Variants in PPP1R37 observed in about 807,000 individuals in gnomAD.
PPP1R37 encodes the protein protein phosphatase 1 regulatory subunit 37, also known as leucine rich repeat containing 68.
Under a neutral mutation model 61.0 loss-of-function variants are expected in PPP1R37, and 21 were observed. That is an observed-to-expected ratio of 0.34 (90% CI 0.24 to 0.50). PPP1R37 has a LOEUF of 0.50. Ranked by LOEUF, PPP1R37 falls within the 20% of genes least tolerant of loss-of-function variation. PPP1R37 has a pLI of 0.98. For synonymous variants in PPP1R37, 443 were observed against 433.5 expected (o/e 1.02, Z -0.27); for missense variants, 910 against 952.7 (o/e 0.96, Z 0.59).
chr19:45,134,841 C>G (rs1968519334), intron 1 of PPP1R37, among the ~76,000 whole-genome samples: 1 of 152,182 alleles, frequency 6.6e-6, no homozygotes, highest in South Asian at 2.1e-4. Flanking sequence ...GGACCTGGTT[C>G]CAGACCCTGT....
intron 1 of PPP1R37, among the ~76,000 whole-genome samples, chr19:45,126,584 C>T (rs1049954977): frequency 1.3e-5 from 2 of 152,192 alleles, no homozygotes; most frequent in African/African-American, 4.8e-5. Flanking sequence ...CCTACCTCCC[C>T]GGCTTGAGAA....
intron 5 of PPP1R37, among the ~76,000 whole-genome samples, chr19:45,141,655 C>T (rs530101565): frequency 6.6e-6 from 1 of 152,240 alleles, no homozygotes; most frequent in Admixed American, 6.5e-5. Context: ...CGAGGCATTT[C>T]ATGACCTCCA....
In PPP1R37 at chr19:45,146,807, G is replaced by C. The variant is rs76757592; in HGVS notation, c.*245G>C. ...TGGAAGACTCTGGGGGTGAATGGGA[G>C]GAGGGGGAGCAGGAGGAGGAGGAGG... On this transcript the variant is annotated 3_prime_UTR_variant, in exon 13 of 13. Transcript: ENST00000221462. 1.6e-4 allele frequency: 36 copies of C among 231,620 alleles called. 1 individual carries two copies. In the East Asian group the frequency reaches 4.2e-3, roughly 27 times the overall value. 14.3% of individuals were successfully genotyped at this position (231,620 alleles called of 1,614,324 possible).
At chr19:45,112,737 A>G (rs1262450940) in intron 1 of PPP1R37, among the ~76,000 whole-genome samples, 1 of 152,216 alleles carries the variant, frequency 6.6e-6, no homozygotes, top group Non-Finnish European at 1.5e-5. Flanking sequence ...CGACTGGACC[A>G]GGACTCCTGT....
intron 1 of PPP1R37, among the ~76,000 whole-genome samples, chr19:45,131,863 A>G (rs182163066): frequency 3.3e-5 from 5 of 151,460 alleles, no homozygotes; most frequent in Admixed American, 2.6e-4. Flanking sequence ...CCACACTGTG[A>G]CACTGGTGCC....
intron 1 of PPP1R37, among the ~76,000 whole-genome samples, chr19:45,102,310 C>T (rs10425938): frequency 0.014 from 2,152 of 152,338 alleles, 56 homozygotes; most frequent in African/African-American, 0.048. Flanking sequence ...GAGCCCGCAG[C>T]GGGCCTCGTT....
At chr19:45,143,404 T>G in intron 7 of PPP1R37, 117 bp from the exon 8 acceptor site, 1 of 624,696 alleles carries the variant, frequency 1.6e-6, no homozygotes, top group South Asian at 1.9e-5. Flanking sequence ...GGGCAAGGCC[T>G]GGGACTGCGG....
intron 1 of PPP1R37, among the ~76,000 whole-genome samples, chr19:45,106,530 C>T (rs1467525079): frequency 6.6e-6 from 1 of 151,984 alleles, no homozygotes; most frequent in Non-Finnish European, 1.5e-5. Context: ...AGGCGTGAGC[C>T]GCCGCGCCTG....
At chr19:45,131,904 G>A (rs1372336551) in intron 1 of PPP1R37, among the ~76,000 whole-genome samples, 1 of 152,184 alleles carries the variant, frequency 6.6e-6, no homozygotes, top group African/African-American at 2.4e-5. Context: ...CACGTCCCTT[G>A]TTGCCTGCGA....
rs370375536 is a variant in PPP1R37, at chr19:45,126,444, G to A, written c.203-12070G>A. On this transcript the variant is annotated intron_variant, in intron 1 of 12. Coordinates refer to ENST00000221462, the MANE Select transcript of PPP1R37 (RefSeq NM_019121.2). ...TGCTGTTGGCGACGGAGCAGGGATTGGAACCCAGGCGCCTGGCTTCGAGGC... is the reference window on the plus strand; with the variant it reads ...TGCTGTTGGCGACGGAGCAGGGATTAGAACCCAGGCGCCTGGCTTCGAGGC... 2.2e-3 allele frequency among the ~76,000 whole-genome samples: 328 copies of A among 152,296 alleles called. 3 individuals carry two copies. Among genetic ancestry groups the A allele is most frequent in the African/African-American group, 7.5e-3 (312 of 41,560 alleles).
intron 7 of PPP1R37, chr19:45,142,843 C>T (rs1453391182): frequency 4.5e-6 from 1 of 221,050 alleles, no homozygotes; most frequent in East Asian, 1.2e-4. Context: ...TGGGGCGGGG[C>T]CTCTGGGCTT....
At chr19:45,143,860 T>G (rs1968647197) in intron 8 of PPP1R37, 1 of 386,746 alleles carries the variant, frequency 2.6e-6, no homozygotes, top group Non-Finnish European at 4.8e-6. Context: ...AGACCGAGTC[T>G]CATCCTGTCA....
chr19:45,114,850 G>A (rs1968244863), intron 1 of PPP1R37, among the ~76,000 whole-genome samples: 1 of 151,876 alleles, frequency 6.6e-6, no homozygotes, highest in South Asian at 2.1e-4. Flanking sequence ...AAAGTCACTA[G>A]TGTCCTCAGA....
chr19:45,146,322 C>T (rs1017568752), intron 11 of PPP1R37, 68 bp from the exon 12 acceptor site: 17 of 1,426,450 alleles, frequency 1.2e-5, no homozygotes, highest in Middle Eastern at 2.0e-4. Context: ...CTGGCTGGGG[C>T]CGGGCTGGGG....
At position 45,145,812 on chromosome 19, in the gene PPP1R37, T is replaced by C. The variant is rs1968687792; in HGVS notation, c.1756T>C (p.Ser586Pro). ...GCCCGAGAGGGCAGAGCCCCCTGCG[T>C]CCCCCACCCCTCCCTCTCCCCCACC... ...SPPERAEPPA[S>P]PTPPSPPPPP... The change falls in exon 11 of 13, where the codon TCC becomes CCC. Residue 586 changes from serine (S) to proline (P), a missense_variant. Transcript: ENST00000221462. 21 of 1,227,454 alleles carry C rather than the reference T, an allele frequency of 1.7e-5. No individual in the cohort carries two copies. The highest frequency in any genetic ancestry group is 9.3e-5 in the South Asian group (6 of 64,758). The allele number at this position is 1,227,454 out of a possible 1,614,324, so 76.0% of individuals were successfully genotyped here.
intron 1 of PPP1R37, among the ~76,000 whole-genome samples, chr19:45,122,688 A>T (rs1484582011): frequency 1.3e-5 from 2 of 152,054 alleles, no homozygotes; most frequent in Non-Finnish European, 2.9e-5. Flanking sequence ...TGTGAGGAAG[A>T]GGGGTGCTCT....
At chr19:45,133,976 C>T (rs1446424634) in intron 1 of PPP1R37, among the ~76,000 whole-genome samples, 1 of 152,210 alleles carries the variant, frequency 6.6e-6, no homozygotes, top group Non-Finnish European at 1.5e-5. Context: ...CTCAGTACGC[C>T]AGAGTCAGTT....
Position 45,143,599 on chromosome 19 carries a change from C to G in PPP1R37, c.953C>G (p.Thr318Arg). 1 of 1,535,582 alleles carries G rather than the reference C, an allele frequency of 6.5e-7. No individual in the cohort carries two copies. Among genetic ancestry groups the G allele is most frequent in the Non-Finnish European group, 8.7e-7 (1 of 1,146,402 alleles). ...VTLVLWNNQLTHTGMAFLGMT... is the reference protein window; with the variant it reads ...VTLVLWNNQLRHTGMAFLGMT... ...CTGGTGCTGTGGAACAACCAGCTCA[C>G]GCACACAGGCATGGCCTTCCTGGGC... The change falls in exon 8 of 13, where the codon ACG becomes AGG. Residue 318 changes from threonine (T) to arginine (R), a missense_variant. By Grantham distance (71) the Thr-to-Arg change is moderately conservative (BLOSUM62 -1). Coordinates refer to ENST00000221462, the MANE Select transcript of PPP1R37 (RefSeq NM_019121.2).
chr19:45,138,369 AG>A, intron 1 of PPP1R37, 144 bp from the exon 2 acceptor site: 1 of 624,160 alleles, frequency 1.6e-6, no homozygotes, highest in South Asian at 2.0e-5. Flanking sequence ...GGGGCCTGAA[AG>A]GGAGGACAGA....
Sources: gnomAD v4.1 joint callset for allele counts (sites outside exome capture counted in the v4.1 genomes callset) on GRCh38, gnomAD v4.1.1 for gene constraint, MANE v1.5 for transcripts, NCBI Gene and HGNC (gene_info 2026-07-23, HGNC 2026-07-21) for gene names.